Variants in NOX4 observed in about 807,000 individuals in gnomAD.
NOX4 encodes NADPH oxidase 4, also known as kidney oxidase-1.
A neutral mutation model predicts 87.6 loss-of-function variants in NOX4; 69 were observed. The observed-to-expected ratio is 0.79, with a 90% CI of 0.65 to 0.96. The LOEUF (loss-of-function observed/expected upper bound fraction) is 0.96, where lower values mean the gene tolerates loss of function less well. Among genes scored for constraint, NOX4 ranks in the 40% least tolerant of loss-of-function variants. The pLI is 0.00. For synonymous variants in NOX4, 275 were observed against 238.2 expected (o/e 1.15, Z -1.42); for missense variants, 680 against 681.5 (o/e 1.00, Z 0.02).
chr11:89,392,384 C>T (rs1465571638), intron 11 of NOX4, among the ~76,000 whole-genome samples: 1 of 152,034 alleles, frequency 6.6e-6, no homozygotes, highest in African/African-American at 2.4e-5. Context: ...TAGGGAGGCT[C>T]CAGAGCCTCA....
rs528313831 is a variant in NOX4 at position 89,457,345 on chromosome 11, G to A, written c.154-5450C>T. On this transcript the variant is annotated intron_variant, in intron 2 of 17. Transcript: ENST00000263317. ...CGCTGGCAACTCTGCCTCTGCCACC[G>A]CCCTGCACCAGCCACACTGCCACTG... Among the ~76,000 whole-genome samples, 11 of 152,238 alleles carry A rather than the reference G, an allele frequency of 7.2e-5. No homozygotes were observed. In the East Asian group the frequency reaches 1.2e-3, roughly 16 times the overall value.
chr11:89,414,454 A>G (rs548318954), intron 8 of NOX4, among the ~76,000 whole-genome samples: 1 of 151,710 alleles, frequency 6.6e-6, no homozygotes, highest in African/African-American at 2.4e-5. Context: ...TTTCTTTGCT[A>G]TGTTTTGACT....
the NOX4 span, among the ~76,000 whole-genome samples, chr11:89,559,270 A>G: frequency 6.6e-6 from 1 of 152,142 alleles, no homozygotes; most frequent in Non-Finnish European, 1.5e-5. Context: ...TTCAAGAAGA[A>G]TAGAAAAAGG....
rs10558391 is a variant in NOX4, at chr11:89,358,386, CAAAA to C, written c.1136-3347_1136-3344del. Among the ~76,000 whole-genome samples, 528 of 78,180 alleles carry C rather than the reference CAAAA, an allele frequency of 6.8e-3. 5 individuals carry two copies. Among genetic ancestry groups the C allele is most frequent in the African/African-American group, 0.023 (505 of 22,092 alleles). The allele number at this position is 78,180 out of a possible 152,430, so 51.3% of individuals were successfully genotyped here. On this transcript the variant is annotated intron_variant, in intron 12 of 17. Transcript: ENST00000263317. ...GGGCAAGAAGAGTATAACTTAATCT[CAAAA>C]AAAAAAAAAAAAAAAAGAAAAGAAA...
chr11:89,479,104 A>G (rs1047768143), intron 2 of NOX4, among the ~76,000 whole-genome samples: 2 of 151,996 alleles, frequency 1.3e-5, no homozygotes, highest in Non-Finnish European at 2.9e-5. Context: ...ATAGGTGGTT[A>G]TTTTCTTGTT....
At chr11:89,394,879 C>T (rs1464487731) in intron 11 of NOX4, among the ~76,000 whole-genome samples, 1 of 152,200 alleles carries the variant, frequency 6.6e-6, no homozygotes, top group Non-Finnish European at 1.5e-5. Flanking sequence ...ATATGTGCCA[C>T]ATATTCTTAA....
chr11:89,467,342 C>A, intron 2 of NOX4, among the ~76,000 whole-genome samples: 1 of 96,192 alleles, frequency 1.0e-5, no homozygotes, highest in Admixed American at 1.5e-4. Flanking sequence ...CAGAGCCAAA[C>A]TCGTCACAAA....
chr11:89,432,901 G>GA lies in NOX4; in HGVS notation c.476-46dup, dbSNP rs572827217. On this transcript the variant is annotated intron_variant, in intron 6 of 17. Coordinates refer to ENST00000263317, the MANE Select transcript of NOX4 (RefSeq NM_016931.5). ...TAGGTTTTTACTTAAATCATAGTGA[G>GA]AAAAAAATACAAAAAATGATTATAT... is the stretch of plus-strand genomic sequence containing the variant. 2.9e-4 allele frequency: 381 copies of GA among 1,293,154 alleles called. No homozygotes were observed. The African/African-American group carries it at 5.0e-3, about 17-fold the overall frequency. 80.1% of individuals were successfully genotyped at this position (1,293,154 alleles called of 1,614,324 possible).
intron 2 of NOX4, among the ~76,000 whole-genome samples, chr11:89,481,109 T>A (rs1209864070): frequency 6.6e-6 from 1 of 151,982 alleles, no homozygotes; most frequent in South Asian, 2.1e-4. Context: ...CAAACAGCCA[T>A]TTATTAAGCA....
At chr11:89,566,926 G>C in the NOX4 span, among the ~76,000 whole-genome samples, 1 of 152,126 alleles carries the variant, frequency 6.6e-6, no homozygotes, top group East Asian at 1.9e-4. Context: ...ATATACATCC[G>C]AGCTGGCATG....
intron 2 of NOX4, among the ~76,000 whole-genome samples, chr11:89,461,934 G>T (rs559520456): frequency 2.0e-5 from 3 of 151,224 alleles, no homozygotes; most frequent in African/African-American, 7.3e-5. Context: ...ACTCTAAAAT[G>T]TTTTCTATTC....
At chr11:89,459,930 C>T (rs1188362312) in intron 2 of NOX4, among the ~76,000 whole-genome samples, 2 of 152,160 alleles carry the variant, frequency 1.3e-5, no homozygotes, top group Non-Finnish European at 2.9e-5. Context: ...GCTACAGTAA[C>T]CAAAACAGCA....
chr11:89,425,964 CTT>C (rs1943375955), intron 7 of NOX4, among the ~76,000 whole-genome samples: 2 of 151,618 alleles, frequency 1.3e-5, no homozygotes, highest in African/African-American at 4.8e-5. Context: ...CCTTTTTTTG[CTT>C]TCTTTAACTA....
chr11:89,327,723 T>C (rs1287939938), intron 17 of NOX4, among the ~76,000 whole-genome samples: 1 of 152,068 alleles, frequency 6.6e-6, no homozygotes, highest in African/African-American at 2.4e-5. Context: ...ACAAAAGACA[T>C]TGAATCCATT....
chr11:89,434,316 G>T (rs1322395133), intron 6 of NOX4, among the ~76,000 whole-genome samples: 1 of 152,060 alleles, frequency 6.6e-6, no homozygotes, highest in Admixed American at 6.6e-5. Flanking sequence ...CTCAGCACTT[G>T]AGTACTCGCA....
At chr11:89,573,271 C>T in the NOX4 span, among the ~76,000 whole-genome samples, 1 of 152,208 alleles carries the variant, frequency 6.6e-6, no homozygotes, top group Non-Finnish European at 1.5e-5. Context: ...GGCATGGTGG[C>T]TCATGCCTGT....
At chr11:89,452,092 C>T (rs950547848) in intron 2 of NOX4, among the ~76,000 whole-genome samples, 197 bp from the exon 3 acceptor site, 1 of 152,170 alleles carries the variant, frequency 6.6e-6, no homozygotes, top group Non-Finnish European at 1.5e-5. Flanking sequence ...TTCTGCACTG[C>T]CACAAAACTT....
Position 89,326,837 on chromosome 11 carries a change from T to C in NOX4, c.1656A>G (p.Leu552=), listed in dbSNP as rs1400603575. 13 of 1,613,198 alleles carry C rather than the reference T, an allele frequency of 8.1e-6. No homozygotes were observed. Among genetic ancestry groups the C allele is most frequent in the Non-Finnish European group, 1.1e-5 (13 of 1,179,454 alleles). ...VGVFCCGPNS[L]SKTLHKLSNQ... is the part of the protein sequence containing the mutation. ...TACTCAGTTTATGAAGAGTCTTGGA[T>C]AGTGAATTGGGTCCACAACAGAAAA... Residue 552 remains leucine, a synonymous_variant, in exon 18 of 18, where the codon CTA becomes CTG. Transcript: ENST00000263317.
At chr11:89,524,062 T>G in the NOX4 span, among the ~76,000 whole-genome samples, 2 of 152,206 alleles carry the variant, frequency 1.3e-5, no homozygotes, top group Non-Finnish European at 2.9e-5. Flanking sequence ...TGTTCTGTAT[T>G]TGTTAGCTGT....
Sources: gnomAD v4.1 joint callset for allele counts (sites outside exome capture counted in the v4.1 genomes callset) on GRCh38, gnomAD v4.1.1 for gene constraint, MANE v1.5 for transcripts, NCBI Gene and HGNC (gene_info 2026-07-23, HGNC 2026-07-21) for gene names.